FANCA: variants seen among roughly 807,000 people sequenced by gnomAD.
FANCA encodes FA complementation group A.
A neutral mutation model predicts 194.3 loss-of-function variants in FANCA; 236 were observed. The ratio of observed to expected loss-of-function variants is 1.21; its 90% CI spans 1.09 to 1.35. The LOEUF (loss-of-function observed/expected upper bound fraction) is 1.35. Ranked by LOEUF, FANCA falls within the 40% of genes most tolerant of loss-of-function variation. The pLI, the probability that FANCA is intolerant of heterozygous loss-of-function variation, is 0.00. For synonymous variants in FANCA, 1,014 were observed against 715.8 expected (o/e 1.42, Z -6.65); for missense variants, 2,628 against 1,813.9 (o/e 1.45, Z -8.15).
At chr16:89,808,439 C>T in intron 5 of FANCA, 72 bp from the exon 6 acceptor site, 1 of 1,461,800 alleles carries the variant, frequency 6.8e-7, no homozygotes, top group South Asian at 1.1e-5. Flanking sequence ...TTTATGAATG[C>T]ATTTTCCTAC....
rs899666953 is a variant in FANCA, at chr16:89,816,581, C to T, written c.35G>A (p.Gly12Asp). 3 of 1,525,370 alleles carry T rather than the reference C, an allele frequency of 2.0e-6. No homozygotes were observed. Among genetic ancestry groups the T allele is most frequent in the African/African-American group, 1.4e-5 (1 of 70,550 alleles). 94.5% of individuals were successfully genotyped at this position (1,525,370 alleles called of 1,614,324 possible). A position where few individuals can be genotyped will look rare whatever the true frequency, so the allele number is the denominator to read the frequency against. The part of the protein sequence containing the change: ...SDSWVPNSAS[G>D]QDPGGRRRAW... ...CCTCCGGCGGCCCCCTGGGTCCTGG[C>T]CCGAGGCGGAGTTCGGGACCCACGA... The change falls in exon 1 of 43, where the codon GGC (glycine) becomes GAC (aspartate). Residue 12 changes from glycine to aspartate, a missense_variant. Transcript: ENST00000389301.
chr16:89,743,762 ATGGTGAGCCGAGATCG>A (rs995531414), intron 36 of FANCA, among the ~76,000 whole-genome samples: 22 of 151,896 alleles, frequency 1.4e-4, no homozygotes, highest in Non-Finnish European at 7.4e-5. Flanking sequence ...GGCGGAGGTC[ATGGTGAGCCGAGATCG>A]TGCCATCTCA....
rs200284171 is a variant in FANCA, at chr16:89,738,888, C to G, written c.4254G>C (p.Val1418=). The G allele has an allele frequency of 4.3e-6, 7 of 1,614,230 alleles. No homozygotes were observed. The highest frequency in any genetic ancestry group is 5.9e-6 in the Non-Finnish European group (7 of 1,180,050). ...GTGGGCATCTTGACGTTACCTCTGC[C>G]ACGTGTGAGAAGCTCTTTTTCGGGC... is the stretch of plus-strand genomic sequence containing the variant. ...PRCPKKSFSH[V]AELLADRGDC... Residue 1418 remains valine (V), a synonymous_variant, in exon 42 of 43, where the codon GTG becomes GTC. Coordinates refer to ENST00000389301, the MANE Select transcript of FANCA (RefSeq NM_000135.4).
chr16:89,792,776 T>C, intron 11 of FANCA: 1 of 470,296 alleles, frequency 2.1e-6, no homozygotes, highest in Non-Finnish European at 4.0e-6. Context: ...CTGGTTGTGC[T>C]GTTATTTATT....
chr16:89,764,013 G>A (rs750271925), intron 28 of FANCA, among the ~76,000 whole-genome samples: 7 of 152,190 alleles, frequency 4.6e-5, no homozygotes, highest in East Asian at 1.9e-4. Flanking sequence ...AGGCCAAGGC[G>A]TGTGGGTAAT....
intron 10 of FANCA, among the ~76,000 whole-genome samples, chr16:89,798,193 T>C (rs564548333): frequency 6.6e-6 from 1 of 152,200 alleles, no homozygotes; most frequent in East Asian, 1.9e-4. Context: ...AAAGTAGGTC[T>C]CCTGCAAGCC....
rs753818673 is a variant in FANCA at position 89,769,971 on chromosome 16, G to A, written c.2370C>T (p.His790=). The A allele has an allele frequency of 1.9e-6, 3 of 1,614,006 alleles. No homozygotes were observed. Among genetic ancestry groups the A allele is most frequent in the South Asian group, 2.2e-5 (2 of 91,082 alleles). Residue 790 remains histidine (H), a synonymous_variant, in exon 26 of 43, where the codon CAC becomes CAT. Transcript: ENST00000389301. ...GGAGCGCAGACCTGGACTCACCCAG[G>A]TGCACGGCCAGGGCAGCCAACCCCA... ...HVLGLAALAV[H]LGESRSALPE...
At chr16:89,806,173 A>G (rs1210844257) in intron 6 of FANCA, among the ~76,000 whole-genome samples, 1 of 151,934 alleles carries the variant, frequency 6.6e-6, no homozygotes. Flanking sequence ...TCAGCCTCCC[A>G]AAGTGCTGGG....
At chr16:89,757,802 C>G (rs1299837500) in intron 30 of FANCA, among the ~76,000 whole-genome samples, 1 of 152,238 alleles carries the variant, frequency 6.6e-6, no homozygotes, top group Non-Finnish European at 1.5e-5. Flanking sequence ...CCAGGATCTA[C>G]TAGGCCATTT....
In FANCA at chr16:89,755,966, G is replaced by A. The variant is rs138988528; in HGVS notation, c.2981+2611C>T. ...CCCGCACACCTAGGCCACATGGCAC[G>A]GCCCACCGCTCCCAGGCTATAAACC... is the stretch of plus-strand genomic sequence containing the variant. On this transcript the variant is annotated intron_variant, in intron 30 of 42. Transcript: ENST00000389301. 1.2e-4 allele frequency among the ~76,000 whole-genome samples: 19 copies of A among 152,172 alleles called. No individual in the cohort carries two copies. The East Asian group carries it at 3.7e-3, about 29-fold the overall frequency.
intron 31 of FANCA, 37 bp downstream of exon 31, chr16:89,752,101 A>C: frequency 6.4e-7 from 1 of 1,564,508 alleles, no homozygotes; most frequent in Non-Finnish European, 8.8e-7. Context: ...GGCTTAAATG[A>C]AGTGAATGCA....
intron 6 of FANCA, among the ~76,000 whole-genome samples, 175 bp downstream of exon 6, chr16:89,808,119 T>TA (rs985601835): frequency 6.6e-6 from 1 of 151,726 alleles, no homozygotes; most frequent in African/African-American, 2.4e-5. Context: ...CTTGAAATAA[T>TA]AAAGCAATAG....
intron 3 of FANCA, among the ~76,000 whole-genome samples, chr16:89,812,379 G>A (rs1241996859): frequency 1.3e-5 from 2 of 151,324 alleles, no homozygotes; most frequent in South Asian, 2.1e-4. Flanking sequence ...AGGCTCAGTG[G>A]GTCCCTCCTG....
rs144976003 is a variant in FANCA at position 89,780,214 on chromosome 16, G to A, written c.1627-257C>T. Among the ~76,000 whole-genome samples, 238 of 152,170 alleles carry A rather than the reference G, an allele frequency of 1.6e-3. 1 individual carries two copies. The highest frequency in any genetic ancestry group is 5.0e-3 in the African/African-American group (209 of 41,526). On this transcript the variant is annotated intron_variant, in intron 17 of 42. Transcript: ENST00000389301. ...GACCCCGTGATGTGCGGCCCTCCTC[G>A]AGAGCTCAGCTCTGCTGAGAGCCTG...
chr16:89,750,001 T>C (rs1210103497), intron 31 of FANCA, 99 bp from the exon 32 acceptor site: 25 of 1,242,746 alleles, frequency 2.0e-5, no homozygotes, highest in Non-Finnish European at 2.9e-5. Flanking sequence ...GTCTCCACAG[T>C]GGACAGGGCA....
At chr16:89,741,624 G>A (rs1329546279) in intron 37 of FANCA, among the ~76,000 whole-genome samples, 1 of 152,210 alleles carries the variant, frequency 6.6e-6, no homozygotes, top group East Asian at 1.9e-4. Flanking sequence ...TTTCCAGGGT[G>A]CAGCAACCAG....
At chr16:89,781,574 G>A (rs2039707558) in intron 17 of FANCA, among the ~76,000 whole-genome samples, 8 of 150,900 alleles carry the variant, frequency 5.3e-5, no homozygotes, top group Admixed American at 5.3e-4. Flanking sequence ...TACTGGAGAG[G>A]CTGAGGCAGG....
intron 11 of FANCA, among the ~76,000 whole-genome samples, chr16:89,793,302 TG>T (rs1385463651): frequency 6.6e-6 from 1 of 152,192 alleles, no homozygotes; most frequent in Non-Finnish European, 1.5e-5. Context: ...AGCCCTCTGG[TG>T]GCCCTGTCCG....
chr16:89,805,425 C>A, intron 6 of FANCA, 33 bp from the exon 7 acceptor site: 1 of 1,530,550 alleles, frequency 6.5e-7, no homozygotes, highest in Non-Finnish European at 9.0e-7. Context: ...ACGTAAGGCT[C>A]AACTAAATCC....
Sources: allele counts gnomAD v4.1 joint callset (sites outside exome capture counted in the v4.1 genomes callset), GRCh38; gene constraint gnomAD v4.1.1; transcripts MANE v1.5; gene names NCBI Gene and HGNC (gene_info 2026-07-23, HGNC 2026-07-21).